Variants in PATJ observed in about 807,000 individuals in gnomAD.
The protein encoded by PATJ is PATJ crumbs cell polarity complex component, also known as inaD-like protein.
A neutral mutation model predicts 224.9 loss-of-function variants in PATJ; 190 were observed. That is an observed-to-expected ratio of 0.84 (90% CI 0.75 to 0.95). The LOEUF (loss-of-function observed/expected upper bound fraction) is 0.95. Ranked by LOEUF, PATJ falls within the 40% of genes least tolerant of loss-of-function variation. PATJ has a pLI of 0.00. For missense variants in PATJ, 2,121 were observed against 2,270.3 expected, an observed-to-expected ratio of 0.93 and a Z score of 1.34; for synonymous variants, 769 against 820.3, an observed-to-expected ratio of 0.94 and a Z score of 1.07.
At chr1:61,965,919 T>C (rs1682063030) in intron 27 of PATJ, among the ~76,000 whole-genome samples, 1 of 152,220 alleles carries the variant, frequency 6.6e-6, no homozygotes, top group African/African-American at 2.4e-5. Context: ...TATTTATTTT[T>C]GAGGTGGAGC....
At chr1:61,906,500 A>C (rs1671877943) in intron 24 of PATJ, among the ~76,000 whole-genome samples, 1 of 152,118 alleles carries the variant, frequency 6.6e-6, no homozygotes, top group African/African-American at 2.4e-5. Context: ...CACTCCTATC[A>C]CTCAGGAAAT....
chr1:61,807,630 C>T (rs1036681388), intron 13 of PATJ, among the ~76,000 whole-genome samples: 29 of 152,030 alleles, frequency 1.9e-4, no homozygotes, highest in African/African-American at 5.3e-4. Context: ...CATCTTGTAC[C>T]GAGGAATGGT....
At chr1:62,002,862 A>T (rs1301579662) in intron 28 of PATJ, among the ~76,000 whole-genome samples, 1 of 152,228 alleles carries the variant, frequency 6.6e-6, no homozygotes, top group South Asian at 2.1e-4. Context: ...AGAGAAAAAG[A>T]TTTCTAGCAA....
At chr1:61,954,911 G>A (rs985420687) in intron 27 of PATJ, among the ~76,000 whole-genome samples, 4 of 151,872 alleles carry the variant, frequency 2.6e-5, no homozygotes, top group African/African-American at 9.7e-5. Flanking sequence ...CTGCCACCAC[G>A]CCCGGCTCAT....
chr1:62,067,327 C>T (rs1317086887), intron 31 of PATJ, among the ~76,000 whole-genome samples: 1 of 151,578 alleles, frequency 6.6e-6, no homozygotes, highest in Non-Finnish European at 1.5e-5. Flanking sequence ...CAGGGTTTCA[C>T]CATGTTAGCC....
At chr1:61,913,101 T>C (rs1672934008) in intron 25 of PATJ, among the ~76,000 whole-genome samples, 1 of 152,244 alleles carries the variant, frequency 6.6e-6, no homozygotes, top group Non-Finnish European at 1.5e-5. Context: ...TTACATTCTA[T>C]ATTAAAAATG....
chr1:61,842,583 A>G (rs1267455961), intron 17 of PATJ, among the ~76,000 whole-genome samples: 1 of 152,026 alleles, frequency 6.6e-6, no homozygotes, highest in Non-Finnish European at 1.5e-5. Context: ...CAAACTATAA[A>G]TATTAGTGTT....
chr1:61,759,936 T>C (rs919609464), intron 1 of PATJ, among the ~76,000 whole-genome samples: 7 of 152,234 alleles, frequency 4.6e-5, no homozygotes, highest in Non-Finnish European at 1.0e-4. Flanking sequence ...ATTATTAATC[T>C]CTAATAAATC....
At chr1:62,088,446 T>G (rs1030495301) in intron 33 of PATJ, among the ~76,000 whole-genome samples, 4 of 152,078 alleles carry the variant, frequency 2.6e-5, no homozygotes, top group Non-Finnish European at 4.4e-5. Flanking sequence ...AAGCCACTCT[T>G]CCCAAAGAAG....
chr1:61,886,767 C>A (rs566022097), intron 22 of PATJ, among the ~76,000 whole-genome samples: 111 of 146,394 alleles, frequency 7.6e-4, no homozygotes, highest in Non-Finnish European at 1.5e-3. Flanking sequence ...TTGCAGTGAG[C>A]CGAGATCGTG....
At chr1:61,984,999 G>A (rs952572968) in intron 27 of PATJ, among the ~76,000 whole-genome samples, 2 of 152,016 alleles carry the variant, frequency 1.3e-5, no homozygotes, top group Middle Eastern at 3.2e-3. Flanking sequence ...TCACAAAAAA[G>A]CATTGACTAG....
chr1:62,007,033 G>A (rs1490901944), intron 28 of PATJ, among the ~76,000 whole-genome samples: 1 of 152,200 alleles, frequency 6.6e-6, no homozygotes, highest in Non-Finnish European at 1.5e-5. Flanking sequence ...AAAAGGCACA[G>A]TAAAAATATG....
chr1:61,884,464 T>C, intron 22 of PATJ, 56 bp downstream of exon 22: 1 of 1,232,110 alleles, frequency 8.1e-7, no homozygotes, highest in Non-Finnish European at 1.1e-6. Context: ...TTTTTTTTTT[T>C]TTTTTTTTTG....
intron 17 of PATJ, among the ~76,000 whole-genome samples, chr1:61,854,755 A>T (rs1663381744): frequency 6.6e-6 from 1 of 152,260 alleles, no homozygotes; most frequent in Admixed American, 6.5e-5. Flanking sequence ...CAAGCCCAAC[A>T]TATAGTAAGT....
intron 7 of PATJ, among the ~76,000 whole-genome samples, chr1:61,786,718 G>T (rs187337188): frequency 1.3e-5 from 2 of 151,990 alleles, no homozygotes; most frequent in African/African-American, 4.8e-5. Context: ...TTGGCCGGGC[G>T]CAGTGGCTTA....
At chr1:61,813,263 A>ACTCTCAC (rs1319079110) in intron 14 of PATJ, among the ~76,000 whole-genome samples, 1 of 139,084 alleles carries the variant, frequency 7.2e-6, no homozygotes, top group Non-Finnish European at 1.6e-5. Context: ...GTTCTTTCTC[A>ACTCTCAC]CTCTCACTCC....
intron 27 of PATJ, among the ~76,000 whole-genome samples, chr1:61,937,099 C>T (rs1223511222): frequency 6.6e-6 from 1 of 152,122 alleles, no homozygotes; most frequent in East Asian, 1.9e-4. Context: ...TGCAAATACA[C>T]AGAAACACTG....
intron 28 of PATJ, among the ~76,000 whole-genome samples, chr1:62,000,193 G>GTTTTT (rs776217887): frequency 6.8e-5 from 10 of 147,996 alleles, no homozygotes; most frequent in African/African-American, 2.5e-4. Context: ...CCAGCCTAGA[G>GTTTTT]TTTTTTGTTT....
intron 27 of PATJ, among the ~76,000 whole-genome samples, chr1:61,953,804 A>G (rs909179113): frequency 1.3e-5 from 2 of 152,164 alleles, no homozygotes; most frequent in African/African-American, 4.8e-5. Flanking sequence ...ATTTCTCCAG[A>G]TTATAATACA....
Sources: gnomAD v4.1 joint callset for allele counts (sites outside exome capture counted in the v4.1 genomes callset) on GRCh38, gnomAD v4.1.1 for gene constraint, MANE v1.5 for transcripts, NCBI Gene and HGNC (gene_info 2026-07-23, HGNC 2026-07-21) for gene names.